The following SLIT2 variants were observed in gnomAD, a reference collection of about 807,000 sequenced individuals.
SLIT2 encodes the protein slit homolog 2 protein.
Under a neutral mutation model 185.7 loss-of-function variants are expected in SLIT2, and 41 were observed. The ratio of observed to expected loss-of-function variants is 0.22; its 90% confidence interval spans 0.17 to 0.29. The LOEUF is 0.29. Ranked by LOEUF, SLIT2 falls within the 10% of genes least tolerant of loss-of-function variation. The pLI, the probability that SLIT2 is intolerant of heterozygous loss-of-function variation, is 1.00. For missense variants in SLIT2, 1,571 were observed against 1,909.0 expected, an observed-to-expected ratio of 0.82 and a Z score of 3.30; for synonymous variants, 693 against 680.2, an observed-to-expected ratio of 1.02 and a Z score of -0.29.
chr4:20,488,457 C>T (rs562997111), intron 7 of SLIT2, among the ~76,000 whole-genome samples: 1 of 152,278 alleles, frequency 6.6e-6, no homozygotes, highest in African/African-American at 2.4e-5. Context: ...TACTAACTTG[C>T]CCCTCGCCCA....
intron 3 of SLIT2, among the ~76,000 whole-genome samples, chr4:20,266,452 C>A (rs1713044865): frequency 6.6e-6 from 1 of 151,868 alleles, no homozygotes; most frequent in Admixed American, 6.6e-5. Context: ...GCATCAAACC[C>A]AAGGCAGGTG....
At position 20,524,078 on chromosome 4, in the gene SLIT2, A is replaced by T. The variant is rs781310322; in HGVS notation, c.1339A>T (p.Thr447Ser). 4 of 1,614,088 alleles carry T rather than the reference A, an allele frequency of 2.5e-6. No homozygotes were observed. In the Admixed American group the frequency reaches 6.7e-5, roughly 27 times the overall value. Residue 447 changes from threonine (T) to serine (S), a missense_variant, in exon 14 of 37, where the codon ACC (threonine) becomes TCC (serine). Physicochemically the swap from Thr to Ser is moderately conservative, Grantham distance 58. Transcript: ENST00000504154. ...HLKWLADYLHTNPIETSGARC... is the reference protein window; with the variant it reads ...HLKWLADYLHSNPIETSGARC... The stretch of plus-strand genomic sequence containing the variant: ...CAAGTGGCTAGCGGATTATCTCCAT[A>T]CCAACCCGATTGAGACCAGTGGTGC...
intron 5 of SLIT2, among the ~76,000 whole-genome samples, chr4:20,475,463 T>C (rs1293511882): frequency 6.6e-6 from 1 of 152,064 alleles, no homozygotes; most frequent in Non-Finnish European, 1.5e-5. Flanking sequence ...GAACAAAAAG[T>C]TCCTGAGTCT....
At position 20,555,923 on chromosome 4, in the gene SLIT2, G is replaced by C. The variant is rs147923355; in HGVS notation, c.2725+1955G>C. The stretch of plus-strand genomic sequence containing the variant: ...CCCCAGAAAATTGTGTCATTTTTTT[G>C]CTCCAAAAACTATGTATACAATTGA... On this transcript the variant is annotated intron_variant, in intron 26 of 36. Transcript: ENST00000504154. 5.9e-5 allele frequency among the ~76,000 whole-genome samples: 9 copies of C among 151,316 alleles called. No homozygotes were observed. In the East Asian group the frequency reaches 1.7e-3, roughly 29 times the overall value.
chr4:20,322,258 CAT>C (rs1719159638), intron 4 of SLIT2, among the ~76,000 whole-genome samples: 1 of 152,174 alleles, frequency 6.6e-6, no homozygotes, highest in Admixed American at 6.5e-5. Context: ...ATTCTGATGA[CAT>C]GTGCCCAAGG....
intron 4 of SLIT2, among the ~76,000 whole-genome samples, chr4:20,307,662 A>T (rs1227951594): frequency 6.6e-6 from 1 of 152,186 alleles, no homozygotes; most frequent in African/African-American, 2.4e-5. Flanking sequence ...ATTCAAGACA[A>T]TGGGGTGAAA....
At chr4:20,360,250 C>T (rs114471436) in intron 4 of SLIT2, among the ~76,000 whole-genome samples, 42 of 152,186 alleles carry the variant, frequency 2.8e-4, no homozygotes, top group African/African-American at 9.1e-4. Flanking sequence ...AATTTTCTTT[C>T]TGCCCTGTAA....
chr4:20,516,949 AG>A (rs1720269134), intron 11 of SLIT2, among the ~76,000 whole-genome samples: 1 of 152,206 alleles, frequency 6.6e-6, no homozygotes, highest in South Asian at 2.1e-4. Context: ...ATGGTCTTAA[AG>A]AAAGCAGTGA....
At chr4:20,370,483 G>C (rs968043812) in intron 4 of SLIT2, among the ~76,000 whole-genome samples, 10 of 152,126 alleles carry the variant, frequency 6.6e-5, no homozygotes, top group African/African-American at 2.4e-4. Context: ...TATCTAAATA[G>C]CACAGTACAT....
At position 20,532,104 on chromosome 4, in the gene SLIT2, G is replaced by T. The variant is rs2292437; in HGVS notation, c.1688+46G>T. 5,550 of 1,133,470 alleles carry T rather than the reference G, an allele frequency of 4.9e-3. 143 individuals are homozygous for T. The South Asian group carries it at 0.058, about 12-fold the overall frequency. The allele number at this position is 1,133,470 out of a possible 1,614,324, so 70.2% of individuals were successfully genotyped here. Reference sequence around the variant, plus strand: ...TTTTTTTATTTCTGTAGCATTTTTTGGGTGTTCATTTCAGTTAAGTTTCTT... The same window carrying T: ...TTTTTTTATTTCTGTAGCATTTTTTTGGTGTTCATTTCAGTTAAGTTTCTT... On this transcript the variant is annotated intron_variant, in intron 17 of 36. Transcript: ENST00000504154.
At chr4:20,517,574 TTGA>T (rs1374698407) in intron 11 of SLIT2, among the ~76,000 whole-genome samples, 1 of 152,168 alleles carries the variant, frequency 6.6e-6, no homozygotes, top group Non-Finnish European at 1.5e-5. Context: ...TCTTCTCTAA[TTGA>T]TGTACTTTTC....
intron 3 of SLIT2, among the ~76,000 whole-genome samples, chr4:20,265,676 A>G (rs1712963341): frequency 6.6e-6 from 1 of 151,808 alleles, no homozygotes; most frequent in African/African-American, 2.4e-5. Context: ...TCTGAAATTT[A>G]AAATACCTAG....
At chr4:20,390,807 T>TC in intron 4 of SLIT2, among the ~76,000 whole-genome samples, 1 of 151,602 alleles carries the variant, frequency 6.6e-6, no homozygotes, top group African/African-American at 2.4e-5. Context: ...CAATTAGACT[T>TC]CCCCAAATAC....
At chr4:20,341,127 G>T (rs1340875567) in intron 4 of SLIT2, among the ~76,000 whole-genome samples, 1 of 152,174 alleles carries the variant, frequency 6.6e-6, no homozygotes, top group African/African-American at 2.4e-5. Context: ...TACCCCAAAT[G>T]CTGAGGACCT....
intron 4 of SLIT2, chr4:20,394,419 A>G (rs1363217685): frequency 6.6e-6 from 1 of 151,996 alleles, no homozygotes; most frequent in Non-Finnish European, 1.5e-5. Flanking sequence ...TTAGGCTACC[A>G]TTTCAGAATA....
At chr4:20,486,613 T>C (rs538637905) in intron 7 of SLIT2, among the ~76,000 whole-genome samples, 2 of 152,270 alleles carry the variant, frequency 1.3e-5, no homozygotes, top group African/African-American at 4.8e-5. Context: ...ATTACTGTAC[T>C]GCAAGCAGAC....
chr4:20,606,444 C>T (rs922789790), intron 33 of SLIT2, among the ~76,000 whole-genome samples: 52 of 150,794 alleles, frequency 3.4e-4, no homozygotes, highest in African/African-American at 1.2e-3. Flanking sequence ...ATTATGTCAC[C>T]GTACTCCAGC....
intron 5 of SLIT2, among the ~76,000 whole-genome samples, chr4:20,471,670 C>T (rs892417507): frequency 2.6e-5 from 4 of 152,262 alleles, no homozygotes; most frequent in Non-Finnish European, 4.4e-5. Flanking sequence ...TTCCAGTGTT[C>T]ACAAGATTTT....
At chr4:20,350,213 CT>C (rs1284561868) in intron 4 of SLIT2, among the ~76,000 whole-genome samples, 2 of 151,676 alleles carry the variant, frequency 1.3e-5, no homozygotes, top group African/African-American at 2.4e-5. Context: ...GCAGAGCATA[CT>C]TTTGATTCTG....
Sources: gnomAD v4.1 joint callset for allele counts (sites outside exome capture counted in the v4.1 genomes callset) on GRCh38, gnomAD v4.1.1 for gene constraint, MANE v1.5 for transcripts, NCBI Gene and HGNC (gene_info 2026-07-23, HGNC 2026-07-21) for gene names.